CDK8: variants seen among roughly 807,000 people sequenced by gnomAD.
CDK8 encodes the protein cyclin-dependent kinase 8.
In CDK8, 29 loss-of-function variants were observed where a neutral mutation model predicts 71.5. The ratio of observed to expected loss-of-function variants is 0.41; its 90% CI spans 0.30 to 0.55. The LOEUF (loss-of-function observed/expected upper bound fraction) is 0.55. Among genes scored for constraint, CDK8 ranks in the 20% least tolerant of loss-of-function variants. The pLI is 0.37. For missense variants in CDK8, 288 were observed against 572.6 expected (o/e 0.50, Z 5.07); for synonymous variants, 161 against 192.1 (o/e 0.84, Z 1.34).
intron 4 of CDK8, among the ~76,000 whole-genome samples, chr13:26,362,684 C>G (rs1038768333): frequency 1.2e-4 from 18 of 152,216 alleles, no homozygotes; most frequent in African/African-American, 4.1e-4. Context: ...GTTTCAAATG[C>G]CAGTCTCTTC....
chr13:26,350,092 A>G (rs760780718), intron 3 of CDK8, among the ~76,000 whole-genome samples: 38 of 152,314 alleles, frequency 2.5e-4, no homozygotes, highest in Middle Eastern at 3.4e-3. Flanking sequence ...AGTAGAGTCT[A>G]TCATCTAGGT....
At chr13:26,263,877 G>T (rs1166840772) in intron 1 of CDK8, among the ~76,000 whole-genome samples, 1 of 151,844 alleles carries the variant, frequency 6.6e-6, no homozygotes, top group Non-Finnish European at 1.5e-5. Context: ...CTCCCGAGTA[G>T]CTGGGACTAC....
At chr13:26,304,430 T>A (rs1299755264) in intron 1 of CDK8, among the ~76,000 whole-genome samples, 1 of 152,142 alleles carries the variant, frequency 6.6e-6, no homozygotes, top group African/African-American at 2.4e-5. Flanking sequence ...TGTTTTGTCT[T>A]CTACTTTTTA....
intron 1 of CDK8, among the ~76,000 whole-genome samples, chr13:26,260,390 A>G (rs761329504): frequency 1.3e-5 from 2 of 152,160 alleles, no homozygotes; most frequent in Non-Finnish European, 2.9e-5. Flanking sequence ...CAGCCTCTGA[A>G]ATCCAGGGGT....
intron 1 of CDK8, among the ~76,000 whole-genome samples, chr13:26,325,253 C>T (rs1377456000): frequency 6.6e-6 from 1 of 152,136 alleles, no homozygotes; most frequent in African/African-American, 2.4e-5. Context: ...ACATCATTAA[C>T]TAAAAAGTTA....
At chr13:26,390,475 T>C (rs1875696116) in intron 6 of CDK8, among the ~76,000 whole-genome samples, 1 of 152,224 alleles carries the variant, frequency 6.6e-6, no homozygotes, top group African/African-American at 2.4e-5. Flanking sequence ...GTAAACATTG[T>C]AATCCCAGGA....
intron 1 of CDK8, among the ~76,000 whole-genome samples, chr13:26,329,312 G>A (rs1055208834): frequency 1.3e-5 from 2 of 151,662 alleles, no homozygotes; most frequent in South Asian, 4.2e-4. Flanking sequence ...TTTCATCATG[G>A]TCCCATCCTC....
intron 1 of CDK8, among the ~76,000 whole-genome samples, chr13:26,288,027 A>G (rs1021900515): frequency 1.3e-5 from 2 of 151,408 alleles, no homozygotes; most frequent in Non-Finnish European, 2.9e-5. Flanking sequence ...CAGGGGTGTG[A>G]TCTCGGCTCA....
At chr13:26,341,937 T>A (rs1284391486) in intron 2 of CDK8, among the ~76,000 whole-genome samples, 5 of 152,226 alleles carry the variant, frequency 3.3e-5, no homozygotes, top group African/African-American at 1.2e-4. Flanking sequence ...AATTTTTTTT[T>A]TTGAGACGAA....
intron 1 of CDK8, among the ~76,000 whole-genome samples, chr13:26,330,751 T>C (rs1198660282): frequency 2.0e-5 from 3 of 152,206 alleles, no homozygotes; most frequent in Non-Finnish European, 4.4e-5. Flanking sequence ...TCCATGTTGC[T>C]GCAAATGACA....
chr13:26,337,929 T>C (rs191031681), intron 2 of CDK8, among the ~76,000 whole-genome samples: 345 of 152,224 alleles, frequency 2.3e-3, no homozygotes, highest in Non-Finnish European at 4.0e-3. Context: ...TTGAGAGCAG[T>C]AAAAGTGGCA....
chr13:26,390,623 T>C (rs61944780), intron 6 of CDK8, among the ~76,000 whole-genome samples: 9,258 of 152,300 alleles, frequency 0.061, 470 homozygotes, highest in African/African-American at 0.13. Flanking sequence ...TACTGAAGTA[T>C]GGACTTTTAA....
intron 1 of CDK8, among the ~76,000 whole-genome samples, chr13:26,294,910 C>T (rs1162664518): frequency 6.6e-6 from 1 of 151,988 alleles, no homozygotes; most frequent in Non-Finnish European, 1.5e-5. Context: ...CCACCATGCC[C>T]TGCTAATTTT....
chr13:26,338,969 CTG>C (rs34446656), intron 2 of CDK8, among the ~76,000 whole-genome samples: 54,029 of 108,634 alleles, frequency 0.5, 9,805 homozygotes, highest in East Asian at 0.65. Context: ...CTTTAACAAA[CTG>C]TTTTTTATTA....
intron 1 of CDK8, among the ~76,000 whole-genome samples, chr13:26,306,222 A>G (rs763237211): frequency 1.3e-5 from 2 of 152,138 alleles, no homozygotes; most frequent in African/African-American, 2.4e-5. Flanking sequence ...GTCCATGGGC[A>G]TTTCCTTGCA....
intron 4 of CDK8, among the ~76,000 whole-genome samples, chr13:26,357,881 A>G (rs1309088321): frequency 1.3e-5 from 2 of 152,206 alleles, no homozygotes; most frequent in African/African-American, 4.8e-5. Flanking sequence ...GATAGTCCTT[A>G]TGTGTTTTAC....
chr13:26,270,155 C>T (rs541472315), intron 1 of CDK8, among the ~76,000 whole-genome samples: 21 of 151,772 alleles, frequency 1.4e-4, no homozygotes, highest in African/African-American at 4.4e-4. Context: ...TTTGGGAGGC[C>T]GAGGCAGGTA....
chr13:26,331,709 A>G (rs949335416), intron 1 of CDK8, among the ~76,000 whole-genome samples: 4 of 152,168 alleles, frequency 2.6e-5, no homozygotes, highest in African/African-American at 9.7e-5. Context: ...TGTTTTGGTT[A>G]TAGCCTTGTA....
At position 26,271,806 on chromosome 13, in the gene CDK8, C is replaced by CTTTTTTTTTTTTTTTTTTTTTT. The variant is rs58160694; in HGVS notation, c.128+17052_128+17073dup. On this transcript the variant is annotated intron_variant, in intron 1 of 12. Coordinates refer to ENST00000381527, the MANE Select transcript of CDK8 (RefSeq NM_001260.3). ...CCTGGGGGACAGAGTGAGACCCTGT[C>CTTTTTTTTTTTTTTTTTTTTTT]TTTTTTTTTTTTTTTTTTTTTTTTT... Among the ~76,000 whole-genome samples, 2 of 62,684 alleles carry CTTTTTTTTTTTTTTTTTTTTTT rather than the reference C, an allele frequency of 3.2e-5. 1 individual carries two copies. The allele number at this position is 62,684 out of a possible 152,430, so 41.1% of individuals were successfully genotyped here.
Sources: gnomAD v4.1 joint callset for allele counts (sites outside exome capture counted in the v4.1 genomes callset) on GRCh38, gnomAD v4.1.1 for gene constraint, MANE v1.5 for transcripts, NCBI Gene and HGNC (gene_info 2026-07-23, HGNC 2026-07-21) for gene names.